Variants in RGS6 observed in about 807,000 individuals in gnomAD.
RGS6 encodes regulator of G protein signaling 6.
A neutral mutation model predicts 78.5 loss-of-function variants in RGS6; 30 were observed. The observed-to-expected ratio is 0.38, with a 90% CI of 0.29 to 0.52. The LOEUF is 0.52. RGS6 is among the 20% of genes least tolerant of loss of function. The probability of loss-of-function intolerance (pLI) is 0.85; values close to 1 mark genes in which losing one functional copy is unlikely to be tolerated. For missense variants in RGS6, 495 were observed against 609.7 expected (o/e 0.81, Z 1.98); for synonymous variants, 206 against 206.0 (o/e 1.00, Z 0.00).
chr14:72,191,930 A>G (rs2097331288), intron 2 of RGS6, among the ~76,000 whole-genome samples: 1 of 152,092 alleles, frequency 6.6e-6, no homozygotes, highest in Non-Finnish European at 1.5e-5. Flanking sequence ...CCTGAGCCCC[A>G]AGGTGGGATC....
At chr14:72,257,432 T>G (rs1259767865) in intron 2 of RGS6, among the ~76,000 whole-genome samples, 2 of 152,076 alleles carry the variant, frequency 1.3e-5, no homozygotes, top group African/African-American at 4.8e-5. Context: ...GGTCTAGGAG[T>G]CTTTTGCAGG....
intron 2 of RGS6, among the ~76,000 whole-genome samples, chr14:72,225,105 G>A (rs747844377): frequency 1.3e-5 from 2 of 152,128 alleles, no homozygotes; most frequent in Non-Finnish European, 2.9e-5. Context: ...CTGAAGGTGC[G>A]TTTGATGAAT....
chr14:72,339,583 G>T (rs890649436), intron 2 of RGS6, among the ~76,000 whole-genome samples: 1 of 152,138 alleles, frequency 6.6e-6, no homozygotes, highest in South Asian at 2.1e-4. Flanking sequence ...TCTATGTAAA[G>T]AGTGGGAAGT....
chr14:71,962,381 A>T (rs1027932646), intron 1 of RGS6, among the ~76,000 whole-genome samples: 1 of 152,204 alleles, frequency 6.6e-6, no homozygotes, highest in African/African-American at 2.4e-5. Flanking sequence ...TTCTAGATAG[A>T]AGAGAATGTG....
At chr14:71,982,306 C>T (rs1024144935) in intron 2 of RGS6, among the ~76,000 whole-genome samples, 3 of 152,120 alleles carry the variant, frequency 2.0e-5, no homozygotes, top group Non-Finnish European at 4.4e-5. Context: ...CATCTTGGCT[C>T]CTCCCTCCTT....
At chr14:72,021,732 A>T (rs900747328) in intron 2 of RGS6, among the ~76,000 whole-genome samples, 1 of 151,542 alleles carries the variant, frequency 6.6e-6, no homozygotes, top group Non-Finnish European at 1.5e-5. Context: ...TCGGCCTCCC[A>T]TAGTGCTGGG....
intron 6 of RGS6, 61 bp from the exon 7 acceptor site, chr14:72,465,697 G>A: frequency 8.4e-7 from 1 of 1,191,224 alleles, no homozygotes; most frequent in Non-Finnish European, 1.3e-6. Flanking sequence ...TGGATGGATG[G>A]GCTTATAATT....
intron 2 of RGS6, among the ~76,000 whole-genome samples, chr14:72,050,900 C>T (rs1459047427): frequency 6.6e-6 from 1 of 152,120 alleles, no homozygotes; most frequent in Non-Finnish European, 1.5e-5. Flanking sequence ...ACCAATCCCC[C>T]AAGTGAGTAT....
intron 2 of RGS6, among the ~76,000 whole-genome samples, chr14:72,023,086 A>G (rs2089061163): frequency 6.6e-6 from 1 of 152,252 alleles, no homozygotes; most frequent in Non-Finnish European, 1.5e-5. Context: ...ATCAGAGGAC[A>G]TAGCTCTTAA....
At chr14:72,583,610 T>C in the RGS6 span, among the ~76,000 whole-genome samples, 1 of 152,226 alleles carries the variant, frequency 6.6e-6, no homozygotes, top group Non-Finnish European at 1.5e-5. Context: ...GAAGGGAGAC[T>C]GATTAAATCA....
intron 2 of RGS6, among the ~76,000 whole-genome samples, chr14:72,348,413 G>C (rs2078468276): frequency 6.6e-6 from 1 of 152,174 alleles, no homozygotes; most frequent in Non-Finnish European, 1.5e-5. Context: ...ACTTAGGGCA[G>C]TATTGATCAT....
At chr14:71,981,985 G>A (rs369231724) in intron 2 of RGS6, among the ~76,000 whole-genome samples, 3 of 147,418 alleles carry the variant, frequency 2.0e-5, no homozygotes, top group African/African-American at 5.0e-5. Context: ...ATATAATCTC[G>A]TGGTGCGCCG....
intron 12 of RGS6, among the ~76,000 whole-genome samples, chr14:72,480,846 C>G (rs2096361516): frequency 6.6e-6 from 1 of 152,156 alleles, no homozygotes; most frequent in South Asian, 2.1e-4. Context: ...CCCCAGGAAA[C>G]CGCATCCCCC....
At chr14:71,907,478 A>C in the RGS6 span, among the ~76,000 whole-genome samples, 1 of 152,014 alleles carries the variant, frequency 6.6e-6, no homozygotes. Flanking sequence ...AACCAAGGGG[A>C]GAGGGGCAAG....
At chr14:72,250,808 C>G (rs183258116) in intron 2 of RGS6, among the ~76,000 whole-genome samples, 1 of 152,254 alleles carries the variant, frequency 6.6e-6, no homozygotes, top group African/African-American at 2.4e-5. Flanking sequence ...TGTGTGGATT[C>G]AATCATTTAT....
rs544322655 is a variant in RGS6, at chr14:72,563,976, C to G, written c.*1509C>G. ...AAGCGATCGCTGGTATTTCTTTTCTCATGCAGCCAAATTCGCCAGCTGGTG... is the reference window on the plus strand; with the variant it reads ...AAGCGATCGCTGGTATTTCTTTTCTGATGCAGCCAAATTCGCCAGCTGGTG... On this transcript the variant is annotated 3_prime_UTR_variant, in exon 18 of 18. Transcript: ENST00000553525. 6.6e-6 allele frequency: 1 copy of G among 152,326 alleles called. No individual in the cohort carries two copies. Among genetic ancestry groups the G allele is most frequent in the East Asian group, 1.9e-4 (1 of 5,178 alleles). 9.4% of individuals were successfully genotyped at this position (152,326 alleles called of 1,614,324 possible).
intron 2 of RGS6, among the ~76,000 whole-genome samples, chr14:71,983,589 A>G (rs1205704032): frequency 2.0e-5 from 3 of 152,106 alleles, no homozygotes; most frequent in Non-Finnish European, 2.9e-5. Context: ...GCTGCTGGAG[A>G]TCCTTGGTGT....
chr14:72,448,127 C>T (rs759192607), intron 3 of RGS6, among the ~76,000 whole-genome samples: 1 of 152,166 alleles, frequency 6.6e-6, no homozygotes, highest in Admixed American at 6.5e-5. Context: ...CCCTAGTTGA[C>T]GTATGAAGAA....
chr14:72,138,511 T>C (rs1357516389), intron 2 of RGS6, among the ~76,000 whole-genome samples: 1 of 144,698 alleles, frequency 6.9e-6, no homozygotes, highest in Non-Finnish European at 1.5e-5. Context: ...TCTCAGAAGA[T>C]AGAAGAAATA....
Sources: gnomAD v4.1 joint callset for allele counts (sites outside exome capture counted in the v4.1 genomes callset) on GRCh38, gnomAD v4.1.1 for gene constraint, MANE v1.5 for transcripts, NCBI Gene and HGNC (gene_info 2026-07-23, HGNC 2026-07-21) for gene names.